Variants in RBFOX1 observed in about 807,000 individuals in gnomAD.
RBFOX1 encodes the protein RNA binding protein fox-1 homolog 1.
RBFOX1 carries 8 observed loss-of-function variants against 57.7 expected under a neutral mutation model. The ratio of observed to expected loss-of-function variants is 0.14; its 90% CI spans 0.08 to 0.25. The LOEUF (loss-of-function observed/expected upper bound fraction) is 0.25, where lower values mean the gene tolerates loss of function less well. Among genes scored for constraint, RBFOX1 ranks in the 10% least tolerant of loss-of-function variants. The pLI is 1.00. For missense variants in RBFOX1, 611 were observed against 548.5 expected (o/e 1.11, Z -1.14); for synonymous variants, 326 against 222.4 (o/e 1.47, Z -4.15).
intron 1 of RBFOX1, among the ~76,000 whole-genome samples, chr16:5,287,637 C>T (rs1015725702): frequency 9.9e-5 from 15 of 152,200 alleles, no homozygotes; most frequent in Non-Finnish European, 1.6e-4. Flanking sequence ...GGAAGCTCTA[C>T]TTTGCTCTTG....
At chr16:5,604,806 A>G (rs1204260651), downstream of RBFOX1, among the ~76,000 whole-genome samples, 2 of 152,090 alleles carry the variant, frequency 1.3e-5, no homozygotes, top group Non-Finnish European at 1.5e-5. Context: ...CCCGGGAACC[A>G]GACCACTTCA....
At chr16:5,257,759 C>G (rs538611124) in intron 1 of RBFOX1, among the ~76,000 whole-genome samples, 1 of 152,144 alleles carries the variant, frequency 6.6e-6, no homozygotes, top group African/African-American at 2.4e-5. Flanking sequence ...CCCTCCCTGC[C>G]CATTCCTTGT....
At chr16:6,765,051 A>G (rs552593146) in intron 3 of RBFOX1, among the ~76,000 whole-genome samples, 35 of 152,318 alleles carry the variant, frequency 2.3e-4, no homozygotes, top group Admixed American at 5.9e-4. Context: ...GTGACATGAA[A>G]TTTAAGCAGA....
chr16:7,487,131 C>G (rs1226191132), intron 4 of RBFOX1, among the ~76,000 whole-genome samples: 2 of 152,038 alleles, frequency 1.3e-5, no homozygotes, highest in African/African-American at 4.8e-5. Context: ...AACACCTGAC[C>G]TCAGGTGATT....
chr16:5,290,123 AAAGGTCACAT>A (rs2151171122), intron 1 of RBFOX1, among the ~76,000 whole-genome samples: 1 of 152,358 alleles, frequency 6.6e-6, no homozygotes, highest in South Asian at 2.1e-4. Flanking sequence ...ACCAGTCACA[AAAGGTCACAT>A]AAGATTTCAT....
chr16:6,971,507 T>C (rs2085535163), intron 3 of RBFOX1, among the ~76,000 whole-genome samples: 3 of 114,554 alleles, frequency 2.6e-5, no homozygotes, highest in South Asian at 5.5e-4. Flanking sequence ...AGAGAGAGAG[T>C]TGGTGTGTGT....
chr16:5,984,444 A>C (rs570509828), intron 4 of RBFOX1, among the ~76,000 whole-genome samples: 2 of 151,796 alleles, frequency 1.3e-5, no homozygotes, highest in East Asian at 3.9e-4. Flanking sequence ...TAATTTACCA[A>C]ATTATTATCC....
At chr16:6,733,202 C>G (rs573146618) in intron 3 of RBFOX1, among the ~76,000 whole-genome samples, 48 of 152,276 alleles carry the variant, frequency 3.2e-4, no homozygotes, top group African/African-American at 1.0e-3. Flanking sequence ...TGCTTCTTCA[C>G]TATTTATTTA....
At chr16:6,846,536 G>T (rs1603631737) in intron 3 of RBFOX1, among the ~76,000 whole-genome samples, 1 of 152,172 alleles carries the variant, frequency 6.6e-6, no homozygotes, top group South Asian at 2.1e-4. Context: ...GACAGGGGAG[G>T]AATCAAGGGA....
chr16:6,973,524 A>C (rs1305981696), intron 3 of RBFOX1, among the ~76,000 whole-genome samples: 1 of 152,192 alleles, frequency 6.6e-6, no homozygotes, highest in Admixed American at 6.5e-5. Flanking sequence ...GGAGAAGCTC[A>C]ACGTTGATTT....
chr16:6,447,986 C>A (rs920669764), intron 2 of RBFOX1, among the ~76,000 whole-genome samples: 1 of 152,068 alleles, frequency 6.6e-6, no homozygotes, highest in Non-Finnish European at 1.5e-5. Context: ...GAGTCTCTCT[C>A]TCTCTCTCAT....
At chr16:5,833,161 C>T (rs1472289091) in intron 3 of RBFOX1, among the ~76,000 whole-genome samples, 1 of 152,162 alleles carries the variant, frequency 6.6e-6, no homozygotes, top group African/African-American at 2.4e-5. Context: ...AAAGTGACAT[C>T]TCCTCCTAAT....
At chr16:7,664,807 G>C in intron 12 of RBFOX1, 122 bp from the exon 13 acceptor site, 1 of 1,571,142 alleles carries the variant, frequency 6.4e-7, no homozygotes, top group East Asian at 2.3e-5. Context: ...ATGTGAAAAC[G>C]ATCCTCGGTT....
chr16:6,744,336 T>G (rs756784474), intron 3 of RBFOX1, among the ~76,000 whole-genome samples: 5 of 152,154 alleles, frequency 3.3e-5, no homozygotes, highest in Non-Finnish European at 7.4e-5. Flanking sequence ...AATAGTAGTA[T>G]TAATTAATTT....
At chr16:6,256,776 T>C (rs569477755) in intron 1 of RBFOX1, among the ~76,000 whole-genome samples, 2 of 152,162 alleles carry the variant, frequency 1.3e-5, no homozygotes, top group East Asian at 1.9e-4. Context: ...TCCCCAGACA[T>C]TGACTAATGT....
intron 2 of RBFOX1, among the ~76,000 whole-genome samples, chr16:6,571,455 G>A (rs939816374): frequency 6.6e-6 from 1 of 152,156 alleles, no homozygotes; most frequent in Non-Finnish European, 1.5e-5. Context: ...TTTTTAAGTT[G>A]TGTATGCTTC....
At chr16:6,862,189 A>C (rs1265392568) in intron 3 of RBFOX1, among the ~76,000 whole-genome samples, 2 of 152,162 alleles carry the variant, frequency 1.3e-5, no homozygotes, top group Admixed American at 1.3e-4. Context: ...TGTCATGTTT[A>C]GGGACATAAA....
intron 1 of RBFOX1, among the ~76,000 whole-genome samples, chr16:6,126,146 G>A (rs1199152849): frequency 1.3e-5 from 2 of 152,132 alleles, no homozygotes; most frequent in Non-Finnish European, 1.5e-5. Context: ...AATCAAATCC[G>A]AGGGATTAAA....
intron 1 of RBFOX1, among the ~76,000 whole-genome samples, chr16:6,193,247 A>G (rs1846730326): frequency 6.6e-6 from 1 of 151,014 alleles, no homozygotes; most frequent in Admixed American, 6.6e-5. Context: ...GCAACAGCTG[A>G]TTAGACTGAG....
Sources: gnomAD v4.1 joint callset for allele counts (sites outside exome capture counted in the v4.1 genomes callset) on GRCh38, gnomAD v4.1.1 for gene constraint, MANE v1.5 for transcripts, NCBI Gene and HGNC (gene_info 2026-07-23, HGNC 2026-07-21) for gene names.